TST: variants seen among roughly 807,000 people sequenced by gnomAD.
The protein encoded by TST is epididymis secretory sperm binding protein.
In TST, 22 loss-of-function variants were observed where a neutral mutation model predicts 20.4. The observed-to-expected ratio is 1.08, with a 90% confidence interval of 0.77 to 1.54. TST has a LOEUF of 1.54. Ranked by LOEUF, TST falls within the 40% of genes most tolerant of loss-of-function variation. The pLI is 0.00. For missense variants in TST, 392 were observed against 405.2 expected (o/e 0.97, Z 0.28); for synonymous variants, 187 against 173.8 (o/e 1.08, Z -0.60).
Position 37,011,201 on chromosome 22 carries a change from G to A in TST, c.720C>T (p.Leu240=), listed in dbSNP as rs1601444278. 3.7e-6 allele frequency: 6 copies of A among 1,613,892 alleles called. No homozygotes were observed. The East Asian group carries it at 8.9e-5, about 24-fold the overall frequency. ...GGCACGTGGCAATGAGAGGCTGCGAGAGATCCACCTTCTTGGTCTGGAACA... is the reference window on the plus strand; with the variant it reads ...GGCACGTGGCAATGAGAGGCTGCGAAAGATCCACCTTCTTGGTCTGGAACA... The part of the protein sequence containing the change: ...RALFQTKKVD[L]SQPLIATCRK... Residue 240 remains leucine (L), a synonymous_variant, in exon 3 of 3, where the codon CTC becomes CTT. Coordinates refer to ENST00000249042, the MANE Select transcript of TST (RefSeq NM_003312.6).
chr22:37,016,270 A>G (rs994306257), intron 2 of TST, among the ~76,000 whole-genome samples: 1 of 151,984 alleles, frequency 6.6e-6, no homozygotes, highest in African/African-American at 2.4e-5. Flanking sequence ...AAACAAATGC[A>G]TACTCATGTG....
upstream of TST, chr22:37,019,808 CG>C (rs1432127483): frequency 1.7e-6 from 2 of 1,143,614 alleles, no homozygotes; most frequent in Non-Finnish European, 1.1e-6. Flanking sequence ...GCTGCGGGCG[CG>C]GGGAGGGGGC....
intron 2 of TST, among the ~76,000 whole-genome samples, chr22:37,017,166 T>C (rs1385091875): frequency 6.6e-6 from 1 of 152,142 alleles, no homozygotes; most frequent in African/African-American, 2.4e-5. Context: ...GCAGGAGTGA[T>C]GGCAGCGAGA....
At chr22:37,019,270 C>T (rs1922858363) in intron 1 of TST, 130 bp downstream of exon 1, 1 of 156,420 alleles carries the variant, frequency 6.4e-6, no homozygotes, top group Admixed American at 6.4e-5. Context: ...AGCTCGCTGC[C>T]CTCTGCCCTA....
At position 37,018,162 on chromosome 22, in the gene TST, T is replaced by G. The variant is rs1922763608; in HGVS notation, c.571A>C (p.Thr191Pro). 6.4e-7 allele frequency: 1 copy of G among 1,565,908 alleles called. No homozygotes were observed. Among genetic ancestry groups the G allele is most frequent in the Non-Finnish European group, 8.7e-7 (1 of 1,153,922 alleles). ...CCTACTGCATCCGGCTCCGGCTCGG[T>G]GCCCAGGAACCGCCCTTGAGACCTT... ...DSRSQGRFLG[T>P]EPEPDAVGLD... Residue 191 changes from threonine (T) to proline (P), a missense_variant, in exon 2 of 3, where the codon ACC becomes CCC. Physicochemically the swap from Thr to Pro is conservative, Grantham distance 38 (BLOSUM62 -1). Coordinates refer to ENST00000249042, the MANE Select transcript of TST (RefSeq NM_003312.6).
Position 37,018,608 on chromosome 22 carries a change from CG to C in TST, c.124del (p.Arg42GlufsTer20). 6.4e-7 allele frequency: 1 copy of C among 1,567,250 alleles called. No homozygotes were observed. Among genetic ancestry groups the C allele is most frequent in the African/African-American group, 1.4e-5 (1 of 74,026 alleles). On this transcript the variant is annotated frameshift_variant, in exon 2 of 3. Coordinates refer to ENST00000249042, the MANE Select transcript of TST (RefSeq NM_003312.6). LOFTEE classifies it high-confidence loss of function. ...CTCGAGGTACTCCTTGCGGGCCTCT[CG>C]GGTGCCTGGTGAGTACCAGGACGCG... Reference protein sequence around the residue: ...LDASWYSPGTREARKEYLERH... With the variant: ...LDASWYSPGTXEARKEYLERH...
chr22:37,018,418 G>A lies in TST; in HGVS notation c.315C>T (p.Gly105=). Residue 105 remains glycine, a synonymous_variant, in exon 2 of 3, where the codon GGC becomes GGT. Coordinates refer to ENST00000249042, the MANE Select transcript of TST (RefSeq NM_003312.6). ...ACCAGACCCGGGGAGCATAGAAGCT[G>A]CCCAGGTGTTCACCATCATACACCA... is the stretch of plus-strand genomic sequence containing the variant. The part of the protein sequence containing the change: ...HVVVYDGEHL[G]SFYAPRVWWM... 1 of 1,613,708 alleles carries A rather than the reference G, an allele frequency of 6.2e-7. No individual in the cohort carries two copies. Among genetic ancestry groups the A allele is most frequent in the Non-Finnish European group, 8.5e-7 (1 of 1,180,018 alleles).
Position 37,011,335 on chromosome 22 carries a change from G to A in TST, c.596-10C>T, listed in dbSNP as rs370943654. 3 of 1,606,854 alleles carry A rather than the reference G, an allele frequency of 1.9e-6. No homozygotes were observed. Among genetic ancestry groups the A allele is most frequent in the Non-Finnish European group, 1.7e-6 (2 of 1,174,576 alleles). On this transcript the variant is annotated splice_polypyrimidine_tract_variant and intron_variant, in intron 2 of 2. Coordinates refer to ENST00000249042, the MANE Select transcript of TST (RefSeq NM_003312.6). ...TGGCCCGAGTCCAGTCCTGGGCAGGGCAGAGGACACAGCTTAGGGGATGTA... is the reference window on the plus strand; with the variant it reads ...TGGCCCGAGTCCAGTCCTGGGCAGGACAGAGGACACAGCTTAGGGGATGTA...
upstream of TST, chr22:37,019,754 C>A: frequency 1.7e-6 from 1 of 594,932 alleles, no homozygotes; most frequent in South Asian, 8.5e-5. Flanking sequence ...GCCGGAGTCT[C>A]CTCCCTTTGG....
upstream of TST, chr22:37,019,912 G>A: frequency 9.1e-7 from 1 of 1,099,732 alleles, no homozygotes; most frequent in Non-Finnish European, 1.2e-6. Context: ...TCTGGAGGGG[G>A]AGGGAGTGGC....
intron 2 of TST, among the ~76,000 whole-genome samples, chr22:37,012,102 C>T (rs1247537979): frequency 6.6e-6 from 1 of 152,234 alleles, no homozygotes; most frequent in African/African-American, 2.4e-5. Flanking sequence ...TGTGTATTGG[C>T]TGCTGCACGA....
intron 2 of TST, among the ~76,000 whole-genome samples, chr22:37,017,135 G>A (rs1294385207): frequency 6.6e-6 from 1 of 152,234 alleles, no homozygotes; most frequent in Non-Finnish European, 1.5e-5. Context: ...AAATGGCCAG[G>A]CAGGGACTGG....
At position 37,010,900 on chromosome 22, in the gene TST, G is replaced by T. The variant is rs1922439904; in HGVS notation, c.*127C>A. On this transcript the variant is annotated 3_prime_UTR_variant, in exon 3 of 3. Coordinates refer to ENST00000249042, the MANE Select transcript of TST (RefSeq NM_003312.6). ...CAAAGTTTATTCCAGTGTTGACAGA[G>T]AGAGGGTGAGCCTTGCACAGCAATT... The T allele has an allele frequency of 1.5e-6, 2 of 1,340,850 alleles. No homozygotes were observed. Among genetic ancestry groups the T allele is most frequent in the Non-Finnish European group, 2.0e-6 (2 of 979,130 alleles). The allele number at this position is 1,340,850 out of a possible 1,614,324, so 83.1% of individuals were successfully genotyped here.
At chr22:37,018,043 T>A in intron 2 of TST, 95 bp downstream of exon 2, 1 of 954,250 alleles carries the variant, frequency 1.0e-6, no homozygotes, top group Non-Finnish European at 1.5e-6. Flanking sequence ...ATTGAAGGCA[T>A]GGGACGGACC....
rs779049258 is a variant in TST at position 37,018,666 on chromosome 22, C to T, written c.67G>A (p.Gly23Ser). 12 of 1,554,646 alleles carry T rather than the reference C, an allele frequency of 7.7e-6. No homozygotes were observed. Among genetic ancestry groups the T allele is most frequent in the Non-Finnish European group, 9.6e-6 (11 of 1,150,852 alleles). ...ACCCGCAGGCCGGGCCCCAGCTTGCCAGTCCTGATGGACTCCGCCAGCCAC... is the reference window on the plus strand; with the variant it reads ...ACCCGCAGGCCGGGCCCCAGCTTGCTAGTCCTGATGGACTCCGCCAGCCAC... ...TKWLAESIRTGKLGPGLRVLD... is the reference protein window; with the variant it reads ...TKWLAESIRTSKLGPGLRVLD... Residue 23 changes from glycine (G) to serine (S), a missense_variant, in exon 2 of 3, where the codon GGC becomes AGC. By Grantham distance (56) the Gly-to-Ser change is moderately conservative. Transcript: ENST00000249042.
chr22:37,012,488 T>TGG (rs1055050028), intron 2 of TST, among the ~76,000 whole-genome samples: 1 of 152,100 alleles, frequency 6.6e-6, no homozygotes, highest in African/African-American at 2.4e-5. Flanking sequence ...CTGGCAGGGG[T>TGG]GGGGGCTCTA....
Position 37,018,182 on chromosome 22 carries a change from G to A in TST, c.551C>T (p.Ser184Phe), listed in dbSNP as rs1421539559. The change falls in exon 2 of 3, where the codon TCT (serine) becomes TTT (phenylalanine). Residue 184 changes from serine (S) to phenylalanine (F), a missense_variant. Transcript: ENST00000249042. ...CTCGGTGCCCAGGAACCGCCCTTGA[G>A]ACCTTGAATCCACCAGCTGGAACCT... is the stretch of plus-strand genomic sequence containing the variant. Reference protein sequence around the residue: ...SKRFQLVDSRSQGRFLGTEPE... With the variant: ...SKRFQLVDSRFQGRFLGTEPE... 1 of 1,601,300 alleles carries A rather than the reference G, an allele frequency of 6.2e-7. No individual in the cohort carries two copies. Among genetic ancestry groups the A allele is most frequent in the East Asian group, 2.2e-5 (1 of 44,648 alleles).
chr22:37,019,195 A>G (rs1922852939), intron 1 of TST: 1 of 157,872 alleles, frequency 6.3e-6, no homozygotes, highest in African/African-American at 2.4e-5. Context: ...CGCACACGCC[A>G]TCGCCTGCGG....
chr22:37,012,148 C>T (rs1450547997), intron 2 of TST, among the ~76,000 whole-genome samples: 1 of 152,232 alleles, frequency 6.6e-6, no homozygotes, highest in Admixed American at 6.5e-5. Context: ...GCTTTGGAGG[C>T]TGGCCCACCC....
Sources: gnomAD v4.1 joint callset for allele counts (sites outside exome capture counted in the v4.1 genomes callset) on GRCh38, gnomAD v4.1.1 for gene constraint, MANE v1.5 for transcripts, NCBI Gene and HGNC (gene_info 2026-07-23, HGNC 2026-07-21) for gene names.